Variants in GATA6 observed in about 807,000 individuals in gnomAD.
GATA6 encodes the protein transcription factor GATA-6.
In GATA6, 11 loss-of-function variants were observed where a neutral mutation model predicts 48.1. That is an observed-to-expected ratio of 0.23 (90% CI 0.14 to 0.38). The LOEUF (loss-of-function observed/expected upper bound fraction) is 0.38. Among genes scored for constraint, GATA6 ranks in the 10% least tolerant of loss-of-function variants. The probability of loss-of-function intolerance (pLI) is 1.00; values close to 1 mark genes in which losing one functional copy is unlikely to be tolerated. For synonymous variants in GATA6, 419 were observed against 396.1 expected (o/e 1.06, Z -0.69); for missense variants, 795 against 850.3 (o/e 0.93, Z 0.81).
chr18:22,197,589 C>T (rs914038412), intron 6 of GATA6, among the ~76,000 whole-genome samples: 28 of 152,200 alleles, frequency 1.8e-4, no homozygotes, highest in Admixed American at 7.2e-4. Flanking sequence ...ATCCTTCTCT[C>T]GCCAATAACA....
intron 6 of GATA6, among the ~76,000 whole-genome samples, chr18:22,198,396 T>C (rs2033418196): frequency 2.0e-5 from 3 of 152,262 alleles, no homozygotes; most frequent in Admixed American, 2.0e-4. Context: ...TTGCTGGCTG[T>C]GGTGGTGGTG....
rs1323069121 is a variant in GATA6 at position 22,185,815 on chromosome 18, C to A, written c.1620+2772C>A. Reference sequence around the variant, plus strand: ...TGGATCCCTTCGCACTTTTTGATGTCCTCTCTGGGTGGGCTGAGCCTTCAT... The same window carrying A: ...TGGATCCCTTCGCACTTTTTGATGTACTCTCTGGGTGGGCTGAGCCTTCAT... On this transcript the variant is annotated intron_variant, in intron 6 of 6. Transcript: ENST00000269216. The surrounding 1 kb of genome is among the most constrained non-coding windows in gnomAD (Gnocchi z 4.3). 6.6e-6 allele frequency among the ~76,000 whole-genome samples: 1 copy of A among 152,148 alleles called. No individual in the cohort carries two copies. Among genetic ancestry groups the A allele is most frequent in the Non-Finnish European group, 1.5e-5 (1 of 68,028 alleles).
chr18:22,179,956 A>G (rs989237768), intron 3 of GATA6, among the ~76,000 whole-genome samples: 1 of 152,236 alleles, frequency 6.6e-6, no homozygotes, highest in African/African-American at 2.4e-5. Flanking sequence ...ATTTCCCAGC[A>G]AAGGTTTTGG....
In GATA6 at chr18:22,171,861, C is replaced by T; in HGVS notation, c.717C>T (p.Gly239=). Reference sequence around the variant, plus strand: ...ACAGCCCTCCATACGGCAGCGGAGGCGGCGCGGCTGGCGGCGGGGCCGCGG... The same window carrying T: ...ACAGCCCTCCATACGGCAGCGGAGGTGGCGCGGCTGGCGGCGGGGCCGCGG... ...SADSPPYGSG[G]GAAGGGAAGP... Residue 239 remains glycine (G), a synonymous_variant, in exon 2 of 7, where the codon GGC becomes GGT. Transcript: ENST00000269216. This position sits in a 1 kb window ranked among gnomAD's most constrained non-coding sequence, Gnocchi z 7.1. 1 of 1,180,228 alleles carries T rather than the reference C, an allele frequency of 8.5e-7. No homozygotes were observed. Among genetic ancestry groups the T allele is most frequent in the Non-Finnish European group, 1.0e-6 (1 of 955,534 alleles). The allele number at this position is 1,180,228 out of a possible 1,614,324, so 73.1% of individuals were successfully genotyped here.
chr18:22,188,325 A>T (rs2033289156), intron 6 of GATA6, among the ~76,000 whole-genome samples: 1 of 152,112 alleles, frequency 6.6e-6, no homozygotes, highest in African/African-American at 2.4e-5. Context: ...TGTAGATCTT[A>T]CTACTGGTCA....
At chr18:22,178,268 A>G (rs904738344) in intron 3 of GATA6, among the ~76,000 whole-genome samples, 3 of 152,020 alleles carry the variant, frequency 2.0e-5, no homozygotes, top group Admixed American at 6.6e-5. Context: ...CCCGGCCACC[A>G]TGTTTTAAAG....
At position 22,200,802 on chromosome 18, in the gene GATA6, G is replaced by C. The variant is rs1404023402; in HGVS notation, c.1767G>C (p.Trp589Cys). ...CGTCCTCCGTGCGACCGGATTCCTG[G>C]TGCGCCCTGGCCCTGGCCTGAGCCC... ...EVTSSVRPDS[W>C]CALALA is the part of the protein sequence containing the mutation. The change falls in exon 7 of 7, where the codon TGG becomes TGC. Residue 589 changes from tryptophan (W) to cysteine (C), a missense_variant. This residue lies in a region of GATA6 where 103 missense variants were observed against 103.7 expected (regional missense o/e 0.99). Transcript: ENST00000269216. 3.1e-6 allele frequency: 5 copies of C among 1,612,198 alleles called. No homozygotes were observed. The highest frequency in any genetic ancestry group is 1.1e-5 in the South Asian group (1 of 90,962).
chr18:22,190,134 A>G (rs968486106), intron 6 of GATA6, among the ~76,000 whole-genome samples: 5 of 152,350 alleles, frequency 3.3e-5, no homozygotes, highest in Non-Finnish European at 7.3e-5. Context: ...TCCCACTGAA[A>G]CAGGTGGGAA....
Position 22,181,475 on chromosome 18 carries a change from T to C in GATA6, c.1325T>C (p.Leu442Ser). Residue 442 changes from leucine (L) to serine (S), a missense_variant, in exon 4 of 7, where the codon TTG becomes TCG. By Grantham distance (145) the Leu-to-Ser change is moderately radical. Transcript: ENST00000269216. ...KRVPSSRRLG[L>S]SCANCHTTTT... ...TAGCCTTCATCACGGCGGCTTGGAT[T>C]GTCCTGTGCCAACTGTCACACCACA... is the stretch of plus-strand genomic sequence containing the variant. 1.2e-6 allele frequency: 2 copies of C among 1,614,246 alleles called. No individual in the cohort carries two copies. The highest frequency in any genetic ancestry group is 1.7e-6 in the Non-Finnish European group (2 of 1,180,044).
intron 6 of GATA6, among the ~76,000 whole-genome samples, chr18:22,192,167 CTG>C (rs2033334852): frequency 6.6e-6 from 1 of 152,172 alleles, no homozygotes; most frequent in Non-Finnish European, 1.5e-5. Context: ...CCAGCTCTGT[CTG>C]TGTGAGTATA....
chr18:22,180,641 C>T (rs893005527), intron 3 of GATA6, among the ~76,000 whole-genome samples: 1 of 151,572 alleles, frequency 6.6e-6, no homozygotes, highest in African/African-American at 2.4e-5. Flanking sequence ...AGCAGGCAAT[C>T]ATGATGGTAA....
chr18:22,196,821 G>A (rs9630787), intron 6 of GATA6, among the ~76,000 whole-genome samples: 2,296 of 152,166 alleles, frequency 0.015, 55 homozygotes, highest in African/African-American at 0.052. Context: ...TTATTTTTGC[G>A]AAGAACTGTC....
intron 6 of GATA6, among the ~76,000 whole-genome samples, chr18:22,195,324 C>T (rs9948808): frequency 0.014 from 2,139 of 152,232 alleles, 62 homozygotes; most frequent in African/African-American, 0.048. Context: ...CCTTCTGACC[C>T]GCCCTCCTGT....
At chr18:22,199,495 A>G (rs930696796) in intron 6 of GATA6, among the ~76,000 whole-genome samples, 1 of 152,268 alleles carries the variant, frequency 6.6e-6, no homozygotes, top group Non-Finnish European at 1.5e-5. Context: ...TTGTCTAAAC[A>G]GATTTTAGTT....
chr18:22,182,314 G>A (rs1310856753), intron 4 of GATA6, among the ~76,000 whole-genome samples: 3 of 150,662 alleles, frequency 2.0e-5, no homozygotes, highest in African/African-American at 4.9e-5. Flanking sequence ...GATCTTGAGT[G>A]TGTATAAAAA....
chr18:22,200,640 C>G lies in GATA6; in HGVS notation c.1621-16C>G, dbSNP rs2143345665. 1.2e-6 allele frequency: 2 copies of G among 1,614,222 alleles called. No homozygotes were observed. The highest frequency in any genetic ancestry group is 2.2e-5 in the South Asian group (2 of 91,090). ...TCACCTTCTCGTCTCTCCTCTGTGT[C>G]CCCCTCTTCTGCCAGGCGGGTGCCC... On this transcript the variant is annotated splice_polypyrimidine_tract_variant and intron_variant, in intron 6 of 6. Transcript: ENST00000269216.
In GATA6 at chr18:22,200,704, A is replaced by G. The variant is rs1312804291; in HGVS notation, c.1669A>G (p.Asn557Asp). Residue 557 changes from asparagine (N) to aspartate (D), a missense_variant, in exon 7 of 7, where the codon AAC becomes GAC. Coordinates refer to ENST00000269216, the MANE Select transcript of GATA6 (RefSeq NM_005257.6). ...TGCGGGAGAGAGCACCAATCCCGAGAACAGCGAGCTCAAGTATTCGGGTCA... is the reference window on the plus strand; with the variant it reads ...TGCGGGAGAGAGCACCAATCCCGAGGACAGCGAGCTCAAGTATTCGGGTCA... Reference protein sequence around the residue: ...TGAGESTNPENSELKYSGQDG... With the variant: ...TGAGESTNPEDSELKYSGQDG... 1 of 1,614,164 alleles carries G rather than the reference A, an allele frequency of 6.2e-7. No individual in the cohort carries two copies. The highest frequency in any genetic ancestry group is 8.5e-7 in the Non-Finnish European group (1 of 1,180,028).
chr18:22,171,240 C>T lies in GATA6; in HGVS notation c.96C>T (p.Pro32=). The T allele has an allele frequency of 1.9e-6, 3 of 1,598,960 alleles. No homozygotes were observed. Among genetic ancestry groups the T allele is most frequent in the Non-Finnish European group, 2.5e-6 (3 of 1,179,136 alleles). ...CCAGAGCCTTTCCAGCGCGGGAGCC[C>T]TCCACGCCGCCTTCCCCCATCTCTT... is the stretch of plus-strand genomic sequence containing the variant. ...SDSRAFPARE[P]STPPSPISSS... is the part of the protein sequence containing the mutation. Residue 32 remains proline (P), a synonymous_variant, in exon 2 of 7, where the codon CCC becomes CCT. Transcript: ENST00000269216. The surrounding 1 kb of genome is among the most constrained non-coding windows in gnomAD (Gnocchi z 7.1).
intron 3 of GATA6, 68 bp from the exon 4 acceptor site, chr18:22,181,385 A>AATGT (rs756897582): frequency 7.3e-6 from 11 of 1,502,604 alleles, no homozygotes; most frequent in Non-Finnish European, 1.0e-5. Flanking sequence ...AAAATACCTT[A>AATGT]ATGTATGTAT....
Sources: gnomAD v4.1 joint callset for allele counts (sites outside exome capture counted in the v4.1 genomes callset) on GRCh38, gnomAD v4.1.1 for gene constraint, gnomAD v4.1.1 regional missense constraint, Gnocchi (gnomAD v3.1) non-coding constraint, MANE v1.5 for transcripts, NCBI Gene and HGNC (gene_info 2026-07-23, HGNC 2026-07-21) for gene names.